Variants in UNC79 observed in about 807,000 individuals in gnomAD.
UNC79 encodes unc-79 subunit of NALCN channel complex.
Under a neutral mutation model 283.1 loss-of-function variants are expected in UNC79, and 37 were observed. The observed-to-expected ratio is 0.13, with a 90% CI of 0.10 to 0.17. The LOEUF (loss-of-function observed/expected upper bound fraction) is 0.17, where lower values mean the gene tolerates loss of function less well. Among genes scored for constraint, UNC79 ranks in the 10% least tolerant of loss-of-function variants. The pLI is 1.00. For missense variants in UNC79, 2,272 were observed against 3,211.1 expected, an observed-to-expected ratio of 0.71 and a Z score of 7.07; for synonymous variants, 1,107 against 1,200.2, an observed-to-expected ratio of 0.92 and a Z score of 1.61.
intron 22 of UNC79, among the ~76,000 whole-genome samples, chr14:93,587,628 T>C (rs1454896675): frequency 1.3e-5 from 2 of 152,202 alleles, no homozygotes; most frequent in Non-Finnish European, 2.9e-5. Context: ...GAATTTGCAA[T>C]CTAGTTTGGA....
intron 1 of UNC79, among the ~76,000 whole-genome samples, chr14:93,357,398 G>A (rs2054106814): frequency 6.6e-6 from 1 of 151,884 alleles, no homozygotes; most frequent in African/African-American, 2.4e-5. Context: ...TCAGTCAGTG[G>A]GCTGCGAAAG....
intron 6 of UNC79, among the ~76,000 whole-genome samples, chr14:93,496,719 T>G (rs2059031069): frequency 6.6e-6 from 1 of 152,198 alleles, no homozygotes; most frequent in South Asian, 2.1e-4. Flanking sequence ...AAGCTAATAT[T>G]ATATGTTATG....
chr14:93,522,872 G>C (rs2060386215), intron 7 of UNC79, among the ~76,000 whole-genome samples: 1 of 152,058 alleles, frequency 6.6e-6, no homozygotes, highest in African/African-American at 2.4e-5. Flanking sequence ...CTTATACATG[G>C]TCTAACAATG....
intron 39 of UNC79, among the ~76,000 whole-genome samples, chr14:93,659,990 T>C (rs2071364259): frequency 6.6e-6 from 1 of 152,186 alleles, no homozygotes. Flanking sequence ...GAGCTCTCTA[T>C]AGTAGCACTT....
chr14:93,636,753 C>T (rs2068542490), intron 31 of UNC79, among the ~76,000 whole-genome samples: 2 of 152,326 alleles, frequency 1.3e-5, no homozygotes, highest in South Asian at 2.1e-4. Flanking sequence ...CCCCTTATTC[C>T]TGTTCCCCAT....
rs149050106 is a variant in UNC79 at position 93,419,761 on chromosome 14, G to A, written c.-350-47910G>A. Among the ~76,000 whole-genome samples, 2 of 151,614 alleles carry A rather than the reference G, an allele frequency of 1.3e-5. 1 individual carries two copies. Among genetic ancestry groups the A allele is most frequent in the East Asian group, 3.9e-4 (2 of 5,128 alleles). On this transcript the variant is annotated intron_variant, in intron 1 of 49. Transcript: ENST00000256339. ...AGGATACACAAAAAATTAAAAGCAA[G>A]AAATTAAATCATGCTATCATGGCCA...
chr14:93,628,719 T>A (rs1009769397), intron 30 of UNC79, among the ~76,000 whole-genome samples: 2 of 152,168 alleles, frequency 1.3e-5, no homozygotes, highest in Non-Finnish European at 2.9e-5. Context: ...TACAAATATT[T>A]TAAGCCAAGT....
At chr14:93,594,480 G>A (rs2064917365) in intron 23 of UNC79, among the ~76,000 whole-genome samples, 1 of 152,134 alleles carries the variant, frequency 6.6e-6, no homozygotes, top group Non-Finnish European at 1.5e-5. Context: ...ATGTTGATCA[G>A]GCTGGTCTTG....
At chr14:93,425,317 T>A (rs944313745) in intron 1 of UNC79, among the ~76,000 whole-genome samples, 1 of 152,170 alleles carries the variant, frequency 6.6e-6, no homozygotes, top group Non-Finnish European at 1.5e-5. Context: ...ACCGCCCCCA[T>A]GACTGAATTA....
intron 16 of UNC79, among the ~76,000 whole-genome samples, chr14:93,573,679 C>T (rs1292046383): frequency 6.6e-6 from 1 of 152,188 alleles, no homozygotes; most frequent in African/African-American, 2.4e-5. Flanking sequence ...ATATTCTTCG[C>T]ATTTGACAAA....
At chr14:93,406,916 A>C (rs1309208891) in intron 1 of UNC79, among the ~76,000 whole-genome samples, 2 of 152,198 alleles carry the variant, frequency 1.3e-5, no homozygotes, top group Non-Finnish European at 2.9e-5. Flanking sequence ...TGGAGGCTAG[A>C]AGTCTAAAGA....
At chr14:93,684,969 A>G (rs982410720) in intron 42 of UNC79, among the ~76,000 whole-genome samples, 2 of 152,204 alleles carry the variant, frequency 1.3e-5, no homozygotes, top group African/African-American at 4.8e-5. Context: ...AACACACCTA[A>G]GGTTATTCTT....
rs886567210 is a variant in UNC79 at position 93,673,537 on chromosome 14, A to G, written c.6741+82A>G. The G allele has an allele frequency of 1.4e-5, 15 of 1,044,144 alleles. 1 individual carries two copies. In the African/African-American group the frequency reaches 1.8e-4, roughly 12 times the overall value. The allele number at this position is 1,044,144 out of a possible 1,614,324, so 64.7% of individuals were successfully genotyped here. ...ATTAAGGGAGGTGTAGAGTGTATGC[A>G]TAGAACTAAATATCTTTGCTTAGAG... On this transcript the variant is annotated intron_variant, in intron 41 of 48. Coordinates refer to ENST00000555664, the Ensembl canonical transcript of UNC79.
chr14:93,511,562 C>T (rs111364466), intron 7 of UNC79, among the ~76,000 whole-genome samples: 2,689 of 152,218 alleles, frequency 0.018, 45 homozygotes, highest in Middle Eastern at 0.051. Context: ...ATTCTTCTGC[C>T]TCAGCCTCCC....
chr14:93,691,518 C>T, intron 45 of UNC79: 1 of 581,318 alleles, frequency 1.7e-6, no homozygotes, highest in Non-Finnish European at 3.1e-6. Context: ...AATTAAGGTG[C>T]CTTCTCTTAA....
chr14:93,660,557 A>ATG (rs1182026717), intron 39 of UNC79, among the ~76,000 whole-genome samples: 4 of 87,772 alleles, frequency 4.6e-5, no homozygotes, highest in Admixed American at 1.1e-4. Flanking sequence ...ATATATATAT[A>ATG]TATATATGTG....
intron 3 of UNC79, among the ~76,000 whole-genome samples, chr14:93,477,104 T>C (rs186598262): frequency 6.6e-6 from 1 of 152,308 alleles, no homozygotes; most frequent in Non-Finnish European, 1.5e-5. Context: ...CTTGCTGAAA[T>C]TGCTGCTCGG....
chr14:93,488,923 G>A (rs992788629), intron 5 of UNC79, among the ~76,000 whole-genome samples: 1 of 152,166 alleles, frequency 6.6e-6, no homozygotes, highest in Non-Finnish European at 1.5e-5. Flanking sequence ...CACTTTGAGG[G>A]TTAGGGTTTA....
chr14:93,507,149 G>A (rs1434768442), intron 7 of UNC79, among the ~76,000 whole-genome samples: 1 of 151,952 alleles, frequency 6.6e-6, no homozygotes, highest in East Asian at 1.9e-4. Context: ...CCTTCCTATT[G>A]ATGTATATTT....
Sources: gnomAD v4.1 joint callset for allele counts (sites outside exome capture counted in the v4.1 genomes callset) on GRCh38, gnomAD v4.1.1 for gene constraint, MANE v1.5 for transcripts, NCBI Gene and HGNC (gene_info 2026-07-23, HGNC 2026-07-21) for gene names.